FER: variants seen among roughly 807,000 people sequenced by gnomAD.
The protein encoded by FER is FER tyrosine kinase, also known as tyrosine-protein kinase Fer.
In FER, 63 loss-of-function variants were observed where a neutral mutation model predicts 111.0. The observed-to-expected ratio is 0.57, with a 90% CI of 0.46 to 0.70. FER has a LOEUF of 0.70. Ranked by LOEUF, FER falls within the 30% of genes least tolerant of loss-of-function variation. The pLI is 0.00. For synonymous variants in FER, 327 were observed against 313.9 expected (o/e 1.04, Z -0.44); for missense variants, 914 against 954.0 (o/e 0.96, Z 0.55).
chr5:108,832,159 A>T (rs1365368521), intron 3 of FER, among the ~76,000 whole-genome samples: 1 of 152,204 alleles, frequency 6.6e-6, no homozygotes, highest in African/African-American at 2.4e-5. Flanking sequence ...TTGTTAGGAA[A>T]AGAATAGAGC....
chr5:108,815,106 C>T (rs2150087323), intron 3 of FER, among the ~76,000 whole-genome samples: 1 of 152,078 alleles, frequency 6.6e-6, no homozygotes, highest in East Asian at 1.9e-4. Context: ...AATATCTGAA[C>T]ATTCAACCAA....
At chr5:109,140,138 C>G (rs1456452626) in intron 17 of FER, among the ~76,000 whole-genome samples, 1 of 151,978 alleles carries the variant, frequency 6.6e-6, no homozygotes, top group Non-Finnish European at 1.5e-5. Context: ...TCTGTGCACA[C>G]AAAAAACATA....
chr5:108,852,618 G>A (rs533524904), intron 5 of FER, among the ~76,000 whole-genome samples: 2 of 152,246 alleles, frequency 1.3e-5, no homozygotes, highest in East Asian at 1.9e-4. Context: ...AGTGGCCAAA[G>A]TAGAGTTCAA....
chr5:108,995,885 A>C (rs1239598388), intron 13 of FER, among the ~76,000 whole-genome samples: 1 of 152,110 alleles, frequency 6.6e-6, no homozygotes, highest in Non-Finnish European at 1.5e-5. Flanking sequence ...TCCCACCAAC[A>C]GTGTAAAATG....
intron 1 of FER, among the ~76,000 whole-genome samples, chr5:108,764,107 T>TG (rs1353517832): frequency 6.6e-6 from 1 of 151,884 alleles, no homozygotes; most frequent in Non-Finnish European, 1.5e-5. Flanking sequence ...AACATTAGAG[T>TG]GCTGGTGATC....
chr5:109,019,037 A>G (rs897436145), intron 13 of FER, among the ~76,000 whole-genome samples: 2 of 151,420 alleles, frequency 1.3e-5, no homozygotes, highest in Non-Finnish European at 3.0e-5. Context: ...CTAATAATTC[A>G]AAAGATACAA....
At chr5:108,984,501 C>T (rs1478284050) in intron 13 of FER, among the ~76,000 whole-genome samples, 1 of 150,982 alleles carries the variant, frequency 6.6e-6, no homozygotes, top group African/African-American at 2.4e-5. Context: ...AGAAAACTAA[C>T]TGGGAACTGA....
chr5:109,173,964 T>G (rs1357034659), intron 17 of FER, among the ~76,000 whole-genome samples: 2 of 152,200 alleles, frequency 1.3e-5, no homozygotes, highest in African/African-American at 4.8e-5. Flanking sequence ...AGTTGATAGC[T>G]GCATTCAAAG....
intron 10 of FER, among the ~76,000 whole-genome samples, chr5:108,921,343 T>C (rs1258626593): frequency 2.0e-5 from 3 of 152,190 alleles, no homozygotes; most frequent in Non-Finnish European, 4.4e-5. Context: ...ATGGTATGTA[T>C]GTATGTATGT....
chr5:109,151,973 A>G (rs1754902521), intron 17 of FER, among the ~76,000 whole-genome samples: 1 of 152,100 alleles, frequency 6.6e-6, no homozygotes, highest in South Asian at 2.1e-4. Context: ...AAGAATTTTC[A>G]GTTTGTACAG....
chr5:108,785,245 C>T, intron 2 of FER: 1 of 575,138 alleles, frequency 1.7e-6, no homozygotes, highest in East Asian at 3.9e-5. Flanking sequence ...GCAAGGATGG[C>T]CAGGCCATGC....
At chr5:109,128,350 T>G (rs531684127) in intron 17 of FER, among the ~76,000 whole-genome samples, 5 of 152,266 alleles carry the variant, frequency 3.3e-5, no homozygotes, top group Non-Finnish European at 5.9e-5. Flanking sequence ...ACTATAAATA[T>G]TTATGACAAC....
intron 13 of FER, among the ~76,000 whole-genome samples, chr5:108,972,497 C>T (rs1561699682): frequency 6.6e-6 from 1 of 152,292 alleles, no homozygotes; most frequent in East Asian, 1.9e-4. Context: ...AAAAAGTCTT[C>T]TTCCTCAGCT....
intron 12 of FER, among the ~76,000 whole-genome samples, chr5:108,957,788 G>T (rs1490011437): frequency 2.0e-5 from 3 of 151,526 alleles, no homozygotes; most frequent in African/African-American, 4.8e-5. Context: ...AAAGTGGTTT[G>T]CATGTTAATA....
At position 109,195,460 on chromosome 5, in the gene FER, T is replaced by C. The variant is rs1267109532; in HGVS notation, c.*7885T>C. 6.6e-6 allele frequency: 1 copy of C among 152,198 alleles called. No homozygotes were observed. Among genetic ancestry groups the C allele is most frequent in the African/African-American group, 2.4e-5 (1 of 41,438 alleles). 9.4% of individuals were successfully genotyped at this position (152,198 alleles called of 1,614,324 possible). A position where few individuals can be genotyped will look rare whatever the true frequency, so the allele number is the denominator to read the frequency against. ...TTGGCTTTAGTGTCAAAGAGATTGG[T>C]TCTACAAGGTTCATCTGATTTCCCA... On this transcript the variant is annotated 3_prime_UTR_variant, in exon 20 of 20. Coordinates refer to ENST00000281092, the MANE Select transcript of FER (RefSeq NM_005246.4).
chr5:108,879,701 A>AAAT lies in FER; in HGVS notation c.924-3694_924-3693insATA. 4.8e-3 allele frequency among the ~76,000 whole-genome samples: 476 copies of AAAT among 99,082 alleles called. 14 individuals carry two copies. The highest frequency in any genetic ancestry group is 0.02 in the African/African-American group (424 of 20,884). The allele number at this position is 99,082 out of a possible 152,430, so 65.0% of individuals were successfully genotyped here. ...ATGTATTTTTTTTAGATTAAAAAAAAATATATATATATATATATATATATT... is the reference window on the plus strand; with the variant it reads ...ATGTATTTTTTTTAGATTAAAAAAAAAATATATATATATATATATATATATATT... On this transcript the variant is annotated intron_variant, in intron 8 of 19. Transcript: ENST00000281092.
intron 1 of FER, among the ~76,000 whole-genome samples, chr5:108,762,716 A>AT (rs937931876): frequency 3.3e-5 from 5 of 151,890 alleles, no homozygotes; most frequent in Non-Finnish European, 5.9e-5. Flanking sequence ...CTCATGCGGG[A>AT]TTTTTTTACT....
chr5:109,100,313 A>T, intron 16 of FER, 83 bp from the exon 17 acceptor site: 5 of 1,540,400 alleles, frequency 3.2e-6, no homozygotes, highest in Non-Finnish European at 4.4e-6. Context: ...TGCTCTGTCA[A>T]ATATTCCTAA....
At chr5:108,933,753 ATTTG>A (rs1334496111) in intron 10 of FER, among the ~76,000 whole-genome samples, 3 of 151,988 alleles carry the variant, frequency 2.0e-5, no homozygotes, top group African/African-American at 7.3e-5. Context: ...ATTTTTTTCC[ATTTG>A]TTTGTGTCCT....
Sources: allele counts gnomAD v4.1 joint callset (sites outside exome capture counted in the v4.1 genomes callset), GRCh38; gene constraint gnomAD v4.1.1; transcripts MANE v1.5; gene names NCBI Gene and HGNC (gene_info 2026-07-23, HGNC 2026-07-21).